The following TRPM2 variants were observed in gnomAD, a reference collection of about 807,000 sequenced individuals.
TRPM2 encodes estrogen-responsive element-associated gene 1 protein.
Under a neutral mutation model 174.0 loss-of-function variants are expected in TRPM2, and 161 were observed. That is an observed-to-expected ratio of 0.93 (90% CI 0.81 to 1.05). TRPM2 has a LOEUF of 1.05. Among genes scored for constraint, TRPM2 ranks in the 50% least tolerant of loss-of-function variants. TRPM2 has a pLI of 0.00. For missense variants in TRPM2, 2,057 were observed against 2,038.0 expected (o/e 1.01, Z -0.18); for synonymous variants, 954 against 861.3 (o/e 1.11, Z -1.88).
At chr21:44,359,756 TA>T (rs1396049794) in intron 2 of TRPM2, among the ~76,000 whole-genome samples, 16 of 139,028 alleles carry the variant, frequency 1.2e-4, no homozygotes, top group South Asian at 4.6e-4. Context: ...TATATATATA[TA>T]TTTTTTTTGA....
At chr21:44,435,021 C>A in intron 27 of TRPM2, 110 bp from the exon 28 acceptor site, 2 of 1,048,928 alleles carry the variant, frequency 1.9e-6, no homozygotes, top group South Asian at 1.4e-5. Context: ...CATGCTGTCC[C>A]GCTGTGCGCC....
rs1157047976 is a variant in TRPM2 at position 44,401,747 on chromosome 21, G to A, written c.2388G>A (p.Val796=). 6.2e-7 allele frequency: 1 copy of A among 1,613,616 alleles called. No individual in the cohort carries two copies. Among genetic ancestry groups the A allele is most frequent in the Non-Finnish European group, 8.5e-7 (1 of 1,180,006 alleles). Residue 796 remains valine (V), a synonymous_variant, in exon 16 of 32, where the codon GTG becomes GTA. Transcript: ENST00000397928. ...ARARAFFTAP[V]VVFHLNILSY... ...CCCGTGCCTTCTTCACCGCACCCGT[G>A]GTGGTCTTCCACCTGAACATCCTCT...
chr21:44,414,011 T>C lies in TRPM2; in HGVS notation c.3083T>C (p.Leu1028Pro). 2.5e-6 allele frequency: 4 copies of C among 1,613,782 alleles called. No individual in the cohort carries two copies. The South Asian group carries it at 4.4e-5, about 18-fold the overall frequency. ...PAFPEWLTVL[L>P]LCLYLLFTNI... ...TTCCCTGAGTGGCTGACGGTCCTCC[T>C]ACTCTGCCTCTACCTGCTCTTCACC... Residue 1028 changes from leucine (L) to proline (P), a missense_variant, in exon 20 of 32, where the codon CTA becomes CCA. Leu to Pro is a moderately conservative substitution (Grantham distance 98). Transcript: ENST00000397928.
chr21:44,417,423 C>T (rs111692361), intron 20 of TRPM2, among the ~76,000 whole-genome samples: 5 of 69,930 alleles, frequency 7.2e-5, no homozygotes, highest in African/African-American at 1.7e-4. Flanking sequence ...ACAGTGGGCA[C>T]GTGGGCGTGG....
intron 2 of TRPM2, among the ~76,000 whole-genome samples, chr21:44,359,485 G>A (rs1260797062): frequency 6.6e-6 from 1 of 151,426 alleles, no homozygotes; most frequent in African/African-American, 2.4e-5. Flanking sequence ...AGAAACATCC[G>A]AGATCACACA....
Position 44,408,139 on chromosome 21 carries a change from G to A in TRPM2, c.2962+1374G>A, listed in dbSNP as rs1785446. ...TTTTGTATTTTTTTGTAGAGATGGGGTTTCACCATGTTGGACAGGCTGGTC... is the reference window on the plus strand; with the variant it reads ...TTTTGTATTTTTTTGTAGAGATGGGATTTCACCATGTTGGACAGGCTGGTC... On this transcript the variant is annotated intron_variant, in intron 19 of 31. Coordinates refer to ENST00000397928, the MANE Select transcript of TRPM2 (RefSeq NM_003307.4). 6.5e-3 allele frequency among the ~76,000 whole-genome samples: 990 copies of A among 151,962 alleles called. 33 individuals carry two copies. Among genetic ancestry groups the A allele is most frequent in the Admixed American group, 0.059 (900 of 15,196 alleles).
intron 9 of TRPM2, 65 bp from the exon 10 acceptor site, chr21:44,390,839 T>G: frequency 6.2e-7 from 1 of 1,605,676 alleles, no homozygotes; most frequent in Non-Finnish European, 8.5e-7. Context: ...TCTGACATCA[T>G]TTCCCTGGAG....
At chr21:44,377,678 G>A (rs973717582) in intron 6 of TRPM2, 34 bp from the exon 7 acceptor site, 2 of 1,613,654 alleles carry the variant, frequency 1.2e-6, no homozygotes, top group Middle Eastern at 1.7e-4. Context: ...CTTTGTTTAG[G>A]TGTGGCCCTC....
At chr21:44,369,114 G>A in intron 4 of TRPM2, 63 bp from the exon 5 acceptor site, 1 of 1,351,974 alleles carries the variant, frequency 7.4e-7, no homozygotes, top group Non-Finnish European at 9.5e-7. Context: ...TCAGGCGTCA[G>A]GCTCCTGGGT....
chr21:44,398,357 C>A (rs2146270434), intron 13 of TRPM2, among the ~76,000 whole-genome samples: 1 of 152,196 alleles, frequency 6.6e-6, no homozygotes, highest in African/African-American at 2.4e-5. Context: ...CCTGCCACCA[C>A]AACTGGCTAA....
At chr21:44,394,983 C>T (rs1458825196) in intron 11 of TRPM2, among the ~76,000 whole-genome samples, 1 of 152,194 alleles carries the variant, frequency 6.6e-6, no homozygotes, top group Non-Finnish European at 1.5e-5. Flanking sequence ...TATTGCCCAC[C>T]TGACAGATCT....
chr21:44,363,844 C>T (rs568421808), intron 2 of TRPM2, among the ~76,000 whole-genome samples: 31 of 152,342 alleles, frequency 2.0e-4, no homozygotes, highest in African/African-American at 6.7e-4. Flanking sequence ...CCCCCCATCA[C>T]TGCCCCACAA....
rs2051076745 is a variant in TRPM2 at position 44,432,900 on chromosome 21, G to A, written c.3975-2231G>A. Among the ~76,000 whole-genome samples, 1 of 152,148 alleles carries A rather than the reference G, an allele frequency of 6.6e-6. No individual in the cohort carries two copies. The highest frequency in any genetic ancestry group is 1.9e-4 in the East Asian group (1 of 5,202). On this transcript the variant is annotated intron_variant, in intron 27 of 31. Transcript: ENST00000397928. This position sits in a 1 kb window ranked among gnomAD's most constrained non-coding sequence, Gnocchi z 4.9. ...GGTTGTGTGCGTAGGTTTATGGACG[G>A]GCCTATGCCTTGATGTCGTGATGGA...
At chr21:44,403,652 T>C (rs1468332644) in intron 16 of TRPM2, among the ~76,000 whole-genome samples, 1 of 149,308 alleles carries the variant, frequency 6.7e-6, no homozygotes, top group African/African-American at 2.5e-5. Context: ...CATGCACACA[T>C]GCACACACAT....
At chr21:44,429,289 T>C (rs928420605) in intron 27 of TRPM2, among the ~76,000 whole-genome samples, 57 of 140,896 alleles carry the variant, frequency 4.0e-4, no homozygotes, top group Middle Eastern at 3.6e-3. Flanking sequence ...TTTTTTTTTT[T>C]TTTTTTTTTT....
intron 20 of TRPM2, chr21:44,416,640 T>C: frequency 5.3e-6 from 1 of 187,548 alleles, no homozygotes; most frequent in Non-Finnish European, 1.1e-5. Context: ...GTGCTTCTCC[T>C]TTTTTCTTGC....
Position 44,377,779 on chromosome 21 carries a change from T to A in TRPM2, c.1014+6T>A. The stretch of plus-strand genomic sequence containing the variant: ...GCGGCCCGGGCACGTTGCACGTGAG[T>A]ATGGCCAGGTGGGAGGGGGCATGTG... On this transcript the variant is annotated splice_donor_region_variant and intron_variant, in intron 7 of 31. Coordinates refer to ENST00000397928, the MANE Select transcript of TRPM2 (RefSeq NM_003307.4). 1 of 1,614,026 alleles carries A rather than the reference T, an allele frequency of 6.2e-7. No homozygotes were observed. Among genetic ancestry groups the A allele is most frequent in the Non-Finnish European group, 8.5e-7 (1 of 1,179,988 alleles).
chr21:44,362,121 T>G (rs2048225055), intron 2 of TRPM2, among the ~76,000 whole-genome samples: 1 of 152,224 alleles, frequency 6.6e-6, no homozygotes, highest in African/African-American at 2.4e-5. Context: ...TTTTACCAGT[T>G]TGAGTGAAAT....
At chr21:44,407,517 C>T (rs1368683615) in intron 19 of TRPM2, among the ~76,000 whole-genome samples, 1 of 139,470 alleles carries the variant, frequency 7.2e-6, no homozygotes, top group Non-Finnish European at 1.5e-5. Flanking sequence ...ATAAAGTGCA[C>T]CTGTCAGTGG....
Sources: gnomAD v4.1 joint callset for allele counts (sites outside exome capture counted in the v4.1 genomes callset) on GRCh38, gnomAD v4.1.1 for gene constraint, Gnocchi (gnomAD v3.1) non-coding constraint, MANE v1.5 for transcripts, NCBI Gene and HGNC (gene_info 2026-07-23, HGNC 2026-07-21) for gene names.